Variants in TPO observed in about 807,000 individuals in gnomAD.
TPO encodes thyroid peroxidase.
Under a neutral mutation model 96.9 loss-of-function variants are expected in TPO, and 78 were observed. That is an observed-to-expected ratio of 0.81 (90% confidence interval 0.67 to 0.97). TPO has a LOEUF of 0.97. Among genes scored for constraint, TPO ranks in the 50% least tolerant of loss-of-function variants. The pLI is 0.00. For missense variants in TPO, 1,252 were observed against 1,274.8 expected (o/e 0.98, Z 0.27); for synonymous variants, 547 against 538.0 (o/e 1.02, Z -0.23).
At chr2:1,540,973 C>G (rs1680696784) in intron 16 of TPO, 1 of 1,468,004 alleles carries the variant, frequency 6.8e-7, no homozygotes, top group Admixed American at 2.1e-5. Flanking sequence ...TAAGGGCTCA[C>G]TTTCAGGCGT....
intron 10 of TPO, among the ~76,000 whole-genome samples, chr2:1,492,290 G>A (rs557624702): frequency 1.3e-5 from 2 of 152,294 alleles, no homozygotes; most frequent in African/African-American, 4.8e-5. Context: ...GAGTAGCTGG[G>A]ATAACAGGCA....
chr2:1,493,838 G>A lies in TPO; in HGVS notation c.1805G>A (p.Arg602His), dbSNP rs375314609. 3.5e-5 allele frequency: 56 copies of A among 1,613,934 alleles called. No homozygotes were observed. The highest frequency in any genetic ancestry group is 5.5e-5 in the South Asian group (5 of 91,068). Reference protein sequence around the residue: ...NEWREFCGLPRLETPADLSTA... With the variant: ...NEWREFCGLPHLETPADLSTA... ...TGGAGGGAGTTCTGCGGCCTGCCTCGCCTGGAGACCCCCGCTGACCTGAGC... is the reference window on the plus strand; with the variant it reads ...TGGAGGGAGTTCTGCGGCCTGCCTCACCTGGAGACCCCCGCTGACCTGAGC... The change falls in exon 11 of 17, where the codon CGC becomes CAC. Residue 602 changes from arginine to histidine, a missense_variant. Transcript: ENST00000329066.
At chr2:1,481,131 C>T (rs1476210517) in intron 8 of TPO, among the ~76,000 whole-genome samples, 1 of 152,178 alleles carries the variant, frequency 6.6e-6, no homozygotes, top group Non-Finnish European at 1.5e-5. Context: ...GCCCTGCTTC[C>T]CACCAGGAGG....
chr2:1,517,092 G>T (rs1674795230), intron 15 of TPO, 110 bp downstream of exon 15: 3 of 1,082,286 alleles, frequency 2.8e-6, no homozygotes, highest in African/African-American at 1.6e-5. Flanking sequence ...CAGGTTACTG[G>T]TATCTCAAAG....
intron 15 of TPO, among the ~76,000 whole-genome samples, chr2:1,531,713 CCCCCCACTCTCTGCAACCTCCCCAAATCA>C (rs1678296186): frequency 1.3e-5 from 1 of 75,588 alleles, no homozygotes; most frequent in Non-Finnish European, 2.7e-5. Flanking sequence ...TCGCCAAATC[CCCCCCACTCTCTGCAACCTCCCCAAATCA>C]CCCCCACTCT....
chr2:1,537,079 C>T (rs111809173), intron 15 of TPO, among the ~76,000 whole-genome samples: 4 of 64,862 alleles, frequency 6.2e-5, no homozygotes, highest in Non-Finnish European at 9.3e-5. Flanking sequence ...TGTGTGCAAC[C>T]TCACCAAATC....
intron 7 of TPO, among the ~76,000 whole-genome samples, chr2:1,458,546 A>G (rs1025301941): frequency 1.3e-5 from 2 of 151,934 alleles, no homozygotes; most frequent in African/African-American, 4.8e-5. Context: ...GTTTGTGGAC[A>G]TGTGTGTATA....
intron 1 of TPO, among the ~76,000 whole-genome samples, chr2:1,401,901 G>A (rs938814320): frequency 1.3e-5 from 2 of 152,200 alleles, no homozygotes; most frequent in Non-Finnish European, 2.9e-5. Context: ...TAGGTTAGGA[G>A]TCAAAGGGCA....
chr2:1,472,842 AAAAAAAAAAG>A (rs1328046432), intron 7 of TPO, among the ~76,000 whole-genome samples: 2 of 150,926 alleles, frequency 1.3e-5, no homozygotes, highest in South Asian at 2.1e-4. Flanking sequence ...AAAAAAAAAA[AAAAAAAAAAG>A]GAGAGAGAGA....
chr2:1,438,940 C>A (rs1573187695), intron 5 of TPO: 1 of 695,890 alleles, frequency 1.4e-6, no homozygotes, highest in East Asian at 2.7e-5. Context: ...CCAATGACGT[C>A]TACATCCACC....
chr2:1,418,129 A>C (rs1356489552), intron 2 of TPO, among the ~76,000 whole-genome samples: 1 of 151,458 alleles, frequency 6.6e-6, no homozygotes, highest in Admixed American at 6.6e-5. Flanking sequence ...CTAAAAATAC[A>C]AAAAAAAATT....
At chr2:1,397,858 G>A (rs1299840540) in intron 1 of TPO, among the ~76,000 whole-genome samples, 1 of 152,134 alleles carries the variant, frequency 6.6e-6, no homozygotes, top group Admixed American at 6.5e-5. Context: ...GCCCCCAGCA[G>A]AGCATTTTCA....
At chr2:1,471,213 C>G (rs1416859744) in intron 7 of TPO, among the ~76,000 whole-genome samples, 1 of 152,134 alleles carries the variant, frequency 6.6e-6, no homozygotes, top group Non-Finnish European at 1.5e-5. Flanking sequence ...TGACTCTGGT[C>G]CTGATAACCT....
At chr2:1,400,908 T>C (rs1573060998) in intron 1 of TPO, among the ~76,000 whole-genome samples, 1 of 152,362 alleles carries the variant, frequency 6.6e-6, no homozygotes, top group East Asian at 1.9e-4. Context: ...CATGTATCCT[T>C]GTGGCAAAAA....
intron 14 of TPO, chr2:1,512,316 T>G: frequency 4.7e-5 from 38 of 811,322 alleles, no homozygotes; most frequent in South Asian, 5.6e-5. Flanking sequence ...TCTCTAGAGT[T>G]GAGACGTTCC....
At chr2:1,528,858 CCCACTGTGTGCAACCTCCCCAAATCCTCT>C (rs1405282008) in intron 15 of TPO, among the ~76,000 whole-genome samples, 5 of 148,176 alleles carry the variant, frequency 3.4e-5, no homozygotes, top group Non-Finnish European at 5.9e-5. Flanking sequence ...CCTCAAATCC[CCCACTGTGTGCAACCTCCCCAAATCCTCT>C]CCACTGTGTG....
At chr2:1,411,570 C>T (rs530643262), upstream of TPO, among the ~76,000 whole-genome samples, 26 of 152,222 alleles carry the variant, frequency 1.7e-4, no homozygotes, top group African/African-American at 5.1e-4. Flanking sequence ...GAATTTCCTG[C>T]GAATGCCTTA....
At chr2:1,521,134 T>C (rs62107991) in intron 15 of TPO, among the ~76,000 whole-genome samples, 77,375 of 152,118 alleles carry the variant, frequency 0.51, 19,786 homozygotes, top group South Asian at 0.56. Context: ...TTCCTACCTA[T>C]GGTATGCATT....
chr2:1,530,780 G>T (rs139746104), intron 15 of TPO, among the ~76,000 whole-genome samples: 84,208 of 84,222 alleles, frequency 1, 42,099 homozygotes, highest in Middle Eastern at 1. Context: ...CCCCCCATGG[G>T]GGGCAACGTC....
Sources: allele counts gnomAD v4.1 joint callset (sites outside exome capture counted in the v4.1 genomes callset), GRCh38; gene constraint gnomAD v4.1.1; transcripts MANE v1.5; gene names NCBI Gene and HGNC (gene_info 2026-07-23, HGNC 2026-07-21).